The following CYP46A1 variants were observed in gnomAD, a reference collection of about 807,000 sequenced individuals.
The protein encoded by CYP46A1 is cytochrome P450 family 46 subfamily A member 1.
Under a neutral mutation model 63.3 loss-of-function variants are expected in CYP46A1, and 20 were observed. That is an observed-to-expected ratio of 0.32 (90% confidence interval 0.22 to 0.46). The LOEUF is 0.46. Ranked by LOEUF, CYP46A1 falls within the 20% of genes least tolerant of loss-of-function variation. The pLI is 1.00. For synonymous variants in CYP46A1, 268 were observed against 273.6 expected (o/e 0.98, Z 0.20); for missense variants, 445 against 670.8 (o/e 0.66, Z 3.72).
chr14:99,695,408 A>G, intron 3 of CYP46A1: 1 of 424,722 alleles, frequency 2.4e-6, no homozygotes, highest in African/African-American at 2.0e-5. Flanking sequence ...TCATAATCAT[A>G]GATTTATCTA....
chr14:99,726,604 C>G lies in CYP46A1; in HGVS notation c.1380C>G (p.Phe460Leu). ...VMAKLLQRLEFRLVPGQRFGL... is the reference protein window; with the variant it reads ...VMAKLLQRLELRLVPGQRFGL... ...CAAAGCTGCTGCAGAGGCTGGAGTT[C>G]CGGCTGGTGCCCGGGCAGCGCTTCG... The change falls in exon 15 of 15, where the codon TTC (phenylalanine) becomes TTG (leucine). Residue 460 changes from phenylalanine (F) to leucine (L), a missense_variant. This residue lies in a region of CYP46A1 where 85 missense variants were observed against 80.1 expected (regional missense o/e 1.06). Transcript: ENST00000261835. 1 of 1,585,310 alleles carries G rather than the reference C, an allele frequency of 6.3e-7. No homozygotes were observed. The highest frequency in any genetic ancestry group is 8.6e-7 in the Non-Finnish European group (1 of 1,167,732).
intron 3 of CYP46A1, chr14:99,695,507 T>G: frequency 2.7e-6 from 1 of 370,198 alleles, no homozygotes; most frequent in Non-Finnish European, 5.4e-6. Flanking sequence ...TTTGTCTTTA[T>G]GATGAATTGA....
rs376773667 is a variant in CYP46A1, at chr14:99,707,690, G to A, written c.693+12G>A. The A allele has an allele frequency of 7.4e-6, 12 of 1,612,292 alleles. No homozygotes were observed. The highest frequency in any genetic ancestry group is 1.7e-5 in the Admixed American group (1 of 59,978). Reference sequence around the variant, plus strand: ...ACACTCTGGCAAAGGTACTGCCTCAGCACCCCCTCTGGTGACCAGCCACCA... The same window carrying A: ...ACACTCTGGCAAAGGTACTGCCTCAACACCCCCTCTGGTGACCAGCCACCA... On this transcript the variant is annotated intron_variant, in intron 7 of 14. Coordinates refer to ENST00000261835, the MANE Select transcript of CYP46A1 (RefSeq NM_006668.2).
chr14:99,723,907 G>A (rs1279291306), intron 12 of CYP46A1, among the ~76,000 whole-genome samples: 1 of 152,166 alleles, frequency 6.6e-6, no homozygotes, highest in African/African-American at 2.4e-5. Flanking sequence ...CAGGGCTGTT[G>A]TAACAAAGTG....
intron 1 of CYP46A1, 171 bp downstream of exon 1, chr14:99,684,707 A>T (rs1423314453): frequency 1.2e-5 from 8 of 667,516 alleles, no homozygotes; most frequent in Admixed American, 8.3e-5. Flanking sequence ...AATTACTCAC[A>T]GCCGCAGCAG....
chr14:99,717,739 T>A (rs1273159557), intron 9 of CYP46A1: 2 of 325,744 alleles, frequency 6.1e-6, no homozygotes, highest in Non-Finnish European at 1.1e-5. Context: ...GGGGCTTTTG[T>A]GTGCACCCTG....
intron 10 of CYP46A1, 116 bp from the exon 11 acceptor site, chr14:99,721,123 G>T (rs2056842379): frequency 1.4e-6 from 1 of 730,870 alleles, no homozygotes; most frequent in Non-Finnish European, 2.5e-6. Context: ...GTGTTTGTGA[G>T]TGGGGAGCCC....
At chr14:99,694,227 A>C (rs1042954956) in intron 3 of CYP46A1, among the ~76,000 whole-genome samples, 39 of 151,612 alleles carry the variant, frequency 2.6e-4, no homozygotes, top group African/African-American at 9.4e-4. Flanking sequence ...CACATATTTC[A>C]AGAGATCTGT....
rs991774416 is a variant in CYP46A1 at position 99,726,629 on chromosome 14, G to A, written c.1405G>A (p.Gly469Arg). 25 of 1,566,208 alleles carry A rather than the reference G, an allele frequency of 1.6e-5. No homozygotes were observed. Among genetic ancestry groups the A allele is most frequent in the East Asian group, 2.4e-5 (1 of 42,060 alleles). ...CCGGCTGGTGCCCGGGCAGCGCTTC[G>A]GGCTGCAGGAGCAGGCCACACTCAA... ...EFRLVPGQRF[G>R]LQEQATLKPL... Residue 469 changes from glycine (G) to arginine (R), a missense_variant, in exon 15 of 15, where the codon GGG becomes AGG. Physicochemically the swap from Gly to Arg is moderately radical, Grantham distance 125. This residue lies in a region of CYP46A1 where 85 missense variants were observed against 80.1 expected (regional missense o/e 1.06). Transcript: ENST00000261835.
chr14:99,719,761 C>CTTTTTTTTTTTTT, intron 10 of CYP46A1, among the ~76,000 whole-genome samples: 1 of 118,042 alleles, frequency 8.5e-6, no homozygotes. Flanking sequence ...TTTTTCTTTT[C>CTTTTTTTTTTTTT]TTTTTTTTTT....
At chr14:99,712,946 A>G (rs1356591926) in intron 7 of CYP46A1, 2 of 152,226 alleles carry the variant, frequency 1.3e-5, no homozygotes, top group Non-Finnish European at 2.9e-5. Context: ...TTAAAAAATA[A>G]CAACAGACAT....
chr14:99,706,519 C>T lies in CYP46A1; in HGVS notation c.444-128C>T, dbSNP rs1320976949. 4 of 1,253,744 alleles carry T rather than the reference C, an allele frequency of 3.2e-6. No individual in the cohort carries two copies. In the African/African-American group the frequency reaches 6.0e-5, roughly 19 times the overall value. The allele number at this position is 1,253,744 out of a possible 1,614,324, so 77.7% of individuals were successfully genotyped here. On this transcript the variant is annotated intron_variant, in intron 5 of 14. Coordinates refer to ENST00000261835, the MANE Select transcript of CYP46A1 (RefSeq NM_006668.2). The stretch of plus-strand genomic sequence containing the variant: ...CTGCAATCTGGGTCTCAAGGGGAGG[C>T]CAGAAAGACTGGGAGGGACCACCCA...
Position 99,721,225 on chromosome 14 carries a change from G to T in CYP46A1, c.981-14G>T, listed in dbSNP as rs763332973. ...TCCCTTTGGAGACGAACTTGTCTTT[G>T]TCTTACCCCACAGGCTGCAGGCCGA... On this transcript the variant is annotated splice_polypyrimidine_tract_variant and intron_variant, in intron 10 of 14. Coordinates refer to ENST00000261835, the MANE Select transcript of CYP46A1 (RefSeq NM_006668.2). 5.0e-6 allele frequency: 8 copies of T among 1,610,646 alleles called. No homozygotes were observed. Among genetic ancestry groups the T allele is most frequent in the Non-Finnish European group, 6.8e-6 (8 of 1,176,764 alleles).
intron 10 of CYP46A1, among the ~76,000 whole-genome samples, chr14:99,718,844 A>G (rs866826280): frequency 6.6e-6 from 1 of 152,116 alleles, no homozygotes; most frequent in Non-Finnish European, 1.5e-5. Context: ...AAATAAGTAT[A>G]ATTGTAATAA....
rs779999297 is a variant in CYP46A1, at chr14:99,726,707, C to A, written c.1483C>A (p.Pro495Thr). The change falls in exon 15 of 15, where the codon CCC (proline) becomes ACC (threonine). Residue 495 changes from proline (P) to threonine (T), a missense_variant. Transcript: ENST00000261835. ...TLRPRGWQPA[P>T]PPPPC The stretch of plus-strand genomic sequence containing the variant: ...GCGGCCCCGCGGCTGGCAGCCCGCA[C>A]CCCCACCACCCCCCTGCTGAGGGGG... The A allele has an allele frequency of 2.6e-4, 399 of 1,534,678 alleles. No individual in the cohort carries two copies. The highest frequency in any genetic ancestry group is 5.5e-4 in the Admixed American group (27 of 49,466).
intron 1 of CYP46A1, among the ~76,000 whole-genome samples, chr14:99,687,002 A>G (rs1206421936): frequency 1.3e-5 from 2 of 152,146 alleles, no homozygotes; most frequent in African/African-American, 2.4e-5. Flanking sequence ...CTGTGTGTTG[A>G]GTCTCCAGTA....
chr14:99,704,129 C>G (rs942266696), intron 5 of CYP46A1, among the ~76,000 whole-genome samples: 14 of 152,216 alleles, frequency 9.2e-5, no homozygotes, highest in African/African-American at 3.1e-4. Flanking sequence ...AGTGCTTTCA[C>G]AGACATTTTT....
At chr14:99,699,358 T>A in intron 3 of CYP46A1, 108 bp from the exon 4 acceptor site, 2 of 1,036,088 alleles carry the variant, frequency 1.9e-6, no homozygotes, top group Admixed American at 3.4e-5. Context: ...GTGGGCACAC[T>A]GCGGCTGAGA....
chr14:99,702,708 T>A (rs1304080533), intron 5 of CYP46A1, among the ~76,000 whole-genome samples: 2 of 152,058 alleles, frequency 1.3e-5, no homozygotes, highest in Non-Finnish European at 2.9e-5. Context: ...ATATTTATAT[T>A]TTTTATATAG....
Sources: gnomAD v4.1 joint callset for allele counts (sites outside exome capture counted in the v4.1 genomes callset) on GRCh38, gnomAD v4.1.1 for gene constraint, gnomAD v4.1.1 regional missense constraint, MANE v1.5 for transcripts, NCBI Gene and HGNC (gene_info 2026-07-23, HGNC 2026-07-21) for gene names.